ABCD2: variants seen among roughly 807,000 people sequenced by gnomAD.
The protein encoded by ABCD2 is ATP-binding cassette sub-family D member 2.
A neutral mutation model predicts 70.9 loss-of-function variants in ABCD2; 36 were observed. The observed-to-expected ratio is 0.51, with a 90% CI of 0.39 to 0.67. ABCD2 has a LOEUF of 0.67. Ranked by LOEUF, ABCD2 falls within the 30% of genes least tolerant of loss-of-function variation. The pLI is 0.00. For synonymous variants in ABCD2, 304 were observed against 306.9 expected (o/e 0.99, Z 0.10); for missense variants, 729 against 890.2 (o/e 0.82, Z 2.30).
chr12:39,604,637 G>A (rs1941946063), intron 4 of ABCD2, 125 bp downstream of exon 4: 4 of 710,312 alleles, frequency 5.6e-6, no homozygotes, highest in Non-Finnish European at 8.7e-6. Flanking sequence ...AGGGATTGCT[G>A]TTTAAATAAT....
Position 39,617,094 on chromosome 12 carries a change from C to G in ABCD2, c.1014G>C (p.Leu338Phe), listed in dbSNP as rs1314380612. The G allele has an allele frequency of 6.2e-7, 1 of 1,612,850 alleles. No individual in the cohort carries two copies. The highest frequency in any genetic ancestry group is 8.5e-7 in the Non-Finnish European group (1 of 1,179,348). The change falls in exon 2 of 10, where the codon TTG (leucine) becomes TTC (phenylalanine). Residue 338 changes from leucine (L) to phenylalanine (F), a missense_variant. By Grantham distance (22) the Leu-to-Phe change is conservative. This residue lies in a region of ABCD2 where 195 missense variants were observed against 300.2 expected (regional missense o/e 0.65). Transcript: ENST00000308666. ...DQMNLILSKR[L>F]WYIMIEQFLM... ...GGAACTGTTCTATCATGATGTACCACAAACGTTTGGATAAAATGAGGTTCA... is the reference window on the plus strand; with the variant it reads ...GGAACTGTTCTATCATGATGTACCAGAAACGTTTGGATAAAATGAGGTTCA...
chr12:39,585,882 G>A (rs1941657472), intron 7 of ABCD2, among the ~76,000 whole-genome samples: 1 of 152,038 alleles, frequency 6.6e-6, no homozygotes, highest in Non-Finnish European at 1.5e-5. Context: ...CAGGGACTTT[G>A]TACATTCGAA....
chr12:39,603,839 A>G lies in ABCD2; in HGVS notation c.1500+73T>C, dbSNP rs945831199. 9 of 1,105,436 alleles carry G rather than the reference A, an allele frequency of 8.1e-6. No homozygotes were observed. In the African/African-American group the frequency reaches 1.4e-4, roughly 17 times the overall value. 68.5% of individuals were successfully genotyped at this position (1,105,436 alleles called of 1,614,324 possible). On this transcript the variant is annotated intron_variant, in intron 5 of 9. Coordinates refer to ENST00000308666, the MANE Select transcript of ABCD2 (RefSeq NM_005164.4). ...AATGCTCCTCCAAGTATTTAACATA[A>G]GGTACATGAATTCTGAGTTGTTTTG...
chr12:39,534,856 GAGAA>G, the ABCD2 span, among the ~76,000 whole-genome samples: 1 of 141,740 alleles, frequency 7.1e-6, no homozygotes, highest in Non-Finnish European at 1.5e-5. Flanking sequence ...AATAAAGAAA[GAGAA>G]AGAAAGAAAA....
the ABCD2 span, among the ~76,000 whole-genome samples, chr12:39,538,003 C>A: frequency 6.6e-6 from 1 of 152,108 alleles, no homozygotes; most frequent in Non-Finnish European, 1.5e-5. Flanking sequence ...AATGGAAACA[C>A]TTCACCTATG....
chr12:39,597,234 T>A (rs116488897), intron 6 of ABCD2, among the ~76,000 whole-genome samples: 7,586 of 152,260 alleles, frequency 0.05, 207 homozygotes, highest in African/African-American at 0.062. Context: ...TGTCCCTTCC[T>A]CTGTTGCTTC....
chr12:39,546,681 GC>G (rs1262954242), downstream of ABCD2, among the ~76,000 whole-genome samples: 1 of 152,016 alleles, frequency 6.6e-6, no homozygotes, highest in Non-Finnish European at 1.5e-5. Flanking sequence ...ATAAAAGGTA[GC>G]ATATGATAAA....
intron 9 of ABCD2, among the ~76,000 whole-genome samples, chr12:39,559,632 G>C (rs1566531280): frequency 2.0e-5 from 3 of 150,048 alleles, no homozygotes. Flanking sequence ...CTGAAAGCAA[G>C]AAAAAAAAAT....
At chr12:39,539,378 A>T in the ABCD2 span, among the ~76,000 whole-genome samples, 20 of 152,356 alleles carry the variant, frequency 1.3e-4, no homozygotes, top group African/African-American at 4.8e-4. Flanking sequence ...TTGTAAGCTC[A>T]GTTAATATCT....
intron 1 of ABCD2, 46 bp from the exon 2 acceptor site, chr12:39,617,214 C>A: frequency 7.9e-7 from 1 of 1,265,872 alleles, no homozygotes; most frequent in Non-Finnish European, 1.1e-6. Flanking sequence ...AAGATATATA[C>A]ATATTATTCT....
At position 39,600,617 on chromosome 12, in the gene ABCD2, C is replaced by T. The variant is rs1252519892; in HGVS notation, c.1600G>A (p.Val534Ile). ...LSGLWPVYEG[V>I]LYKPPPQHMF... Reference sequence around the variant, plus strand: ...TGTTGAGGAGGTGGTTTATAGAGGACTCCTTCATACACAGGCCAGAGCCCA... The same window carrying T: ...TGTTGAGGAGGTGGTTTATAGAGGATTCCTTCATACACAGGCCAGAGCCCA... The change falls in exon 6 of 10, where the codon GTC becomes ATC. Residue 534 changes from valine (V) to isoleucine (I), a missense_variant. Physicochemically the swap from Val to Ile is conservative, Grantham distance 29. This residue lies in a region of ABCD2 where 289 missense variants were observed against 328.8 expected (regional missense o/e 0.88). Coordinates refer to ENST00000308666, the MANE Select transcript of ABCD2 (RefSeq NM_005164.4). The T allele has an allele frequency of 1.9e-6, 3 of 1,611,928 alleles. No homozygotes were observed. The East Asian group carries it at 6.7e-5, about 36-fold the overall frequency.
intron 2 of ABCD2, among the ~76,000 whole-genome samples, chr12:39,609,496 TTATTGTATA>T (rs1433637033): frequency 6.6e-6 from 1 of 152,230 alleles, no homozygotes; most frequent in East Asian, 1.9e-4. Flanking sequence ...GTCGTTGCTA[TTATTGTATA>T]TCCACTCAAT....
At chr12:39,560,446 T>C (rs113879580) in intron 9 of ABCD2, among the ~76,000 whole-genome samples, 1 of 152,184 alleles carries the variant, frequency 6.6e-6, no homozygotes, top group Non-Finnish European at 1.5e-5. Flanking sequence ...GTCTTTGCTA[T>C]TGGTAAATCA....
chr12:39,598,462 G>A (rs1471934552), intron 6 of ABCD2, among the ~76,000 whole-genome samples: 4 of 152,146 alleles, frequency 2.6e-5, no homozygotes, highest in East Asian at 1.9e-4. Context: ...GTGCAGTGGC[G>A]CCATCTCAGC....
the ABCD2 span, among the ~76,000 whole-genome samples, chr12:39,535,621 T>C: frequency 6.6e-6 from 1 of 152,212 alleles, no homozygotes; most frequent in Non-Finnish European, 1.5e-5. Flanking sequence ...AGATAAATTT[T>C]TTTTGCTTTA....
chr12:39,596,870 G>A (rs918422341), intron 6 of ABCD2, among the ~76,000 whole-genome samples: 2 of 151,976 alleles, frequency 1.3e-5, no homozygotes, highest in Non-Finnish European at 2.9e-5. Flanking sequence ...ATATAAAATG[G>A]CCACAGTATT....
intron 7 of ABCD2, among the ~76,000 whole-genome samples, chr12:39,584,615 T>C (rs952194448): frequency 6.6e-6 from 1 of 152,242 alleles, no homozygotes; most frequent in Non-Finnish European, 1.5e-5. Flanking sequence ...AGGATAGTTT[T>C]GCCTAGGTTG....
chr12:39,602,252 A>T (rs1414910946), intron 5 of ABCD2, among the ~76,000 whole-genome samples: 1 of 151,628 alleles, frequency 6.6e-6, no homozygotes, highest in East Asian at 1.9e-4. Flanking sequence ...TCCTGGGTTC[A>T]AGCGATTCTT....
intron 8 of ABCD2, among the ~76,000 whole-genome samples, chr12:39,575,768 G>T (rs1184199108): frequency 6.6e-6 from 1 of 152,118 alleles, no homozygotes; most frequent in Non-Finnish European, 1.5e-5. Flanking sequence ...TCAAAAGATT[G>T]TGCTTTTCAA....
Sources: allele counts gnomAD v4.1 joint callset (sites outside exome capture counted in the v4.1 genomes callset), GRCh38; gene constraint gnomAD v4.1.1; regional missense constraint gnomAD v4.1.1; transcripts MANE v1.5; gene names NCBI Gene and HGNC (gene_info 2026-07-23, HGNC 2026-07-21).